GAS2L3: variants seen among roughly 807,000 people sequenced by gnomAD.
The protein encoded by GAS2L3 is GAS2-like protein 3.
In GAS2L3, 28 loss-of-function variants were observed where a neutral mutation model predicts 37.0. The observed-to-expected ratio is 0.76, with a 90% CI of 0.56 to 1.04. The LOEUF (loss-of-function observed/expected upper bound fraction) is 1.04. GAS2L3 is among the 50% of genes least tolerant of loss of function. The probability of loss-of-function intolerance (pLI) is 0.00; values close to 1 mark genes in which losing one functional copy is unlikely to be tolerated. For missense variants in GAS2L3, 793 were observed against 817.6 expected, an observed-to-expected ratio of 0.97 and a Z score of 0.37; for synonymous variants, 290 against 296.6, an observed-to-expected ratio of 0.98 and a Z score of 0.23.
intron 6 of GAS2L3, among the ~76,000 whole-genome samples, chr12:100,617,015 C>CT (rs763304362): frequency 8.9e-4 from 121 of 135,420 alleles, no homozygotes; most frequent in Middle Eastern, 7.4e-3. Context: ...TTTGTTCAGT[C>CT]TTTTTTTTTT....
intron 1 of GAS2L3, chr12:100,579,584 T>C (rs1593157027): frequency 1.3e-6 from 1 of 773,580 alleles, no homozygotes; most frequent in African/African-American, 1.7e-5. Context: ...ACCAGTTGCA[T>C]GACAGGGTGC....
At chr12:100,602,713 G>A (rs1006395020) in intron 5 of GAS2L3, among the ~76,000 whole-genome samples, 4 of 151,786 alleles carry the variant, frequency 2.6e-5, no homozygotes, top group African/African-American at 9.7e-5. Context: ...TCACCCTGTT[G>A]TGCTATCAAA....
Position 100,624,562 on chromosome 12 carries a change from C to T in GAS2L3, c.1757C>T (p.Ala586Val), listed in dbSNP as rs1428436584. The change falls in exon 10 of 10, where the codon GCT becomes GTT. Residue 586 changes from alanine to valine, a missense_variant. By Grantham distance (64) the Ala-to-Val change is moderately conservative (BLOSUM62 0). Transcript: ENST00000547754. Reference protein sequence around the residue: ...QKSKDKNIVSATKKQPQNKSA... With the variant: ...QKSKDKNIVSVTKKQPQNKSA... ...TCAAAAGATAAGAATATAGTTTCAG[C>T]TACCAAAAAGCAGCCTCAGAATAAA... The T allele has an allele frequency of 6.2e-7, 1 of 1,613,912 alleles. No homozygotes were observed. The highest frequency in any genetic ancestry group is 8.5e-7 in the Non-Finnish European group (1 of 1,180,022).
At position 100,579,482 on chromosome 12, in the gene GAS2L3, C is replaced by T. The variant is rs191916349; in HGVS notation, c.-152+5697C>T. 1.4e-5 allele frequency: 11 copies of T among 771,200 alleles called. No homozygotes were observed. The African/African-American group carries it at 1.9e-4, about 13-fold the overall frequency. The allele number at this position is 771,200 out of a possible 1,614,324, so 47.8% of individuals were successfully genotyped here. On this transcript the variant is annotated intron_variant, in intron 1 of 9. Transcript: ENST00000547754. ...AACAAATTTGGTTAGTGGTATTATA[C>T]CCAAACTCTTGTCAGAAATATTAAG...
intron 1 of GAS2L3, chr12:100,578,958 A>G (rs1338419274): frequency 3.3e-6 from 3 of 903,844 alleles, no homozygotes; most frequent in African/African-American, 1.6e-5. Flanking sequence ...ATTGTCATCC[A>G]TGCTTATGGA....
chr12:100,623,424 T>G (rs1956283774), intron 9 of GAS2L3, 138 bp from the exon 10 acceptor site: 1 of 608,988 alleles, frequency 1.6e-6, no homozygotes. Flanking sequence ...AGAAACAAAC[T>G]GTCAATTTGT....
Position 100,600,520 on chromosome 12 carries a change from G to T in GAS2L3, c.157G>T (p.Asp53Tyr), listed in dbSNP as rs1269603004. ...HEATLLPMQE[D>Y]LSIWLSGLLG... ...AGCCACTTTGTTGCCCATGCAAGAA[G>T]ATCTGTCAATCTGGTTATCTGGTTT... The change falls in exon 4 of 10, where the codon GAT becomes TAT. Residue 53 changes from aspartate (D) to tyrosine (Y), a missense_variant. By Grantham distance (160) the Asp-to-Tyr change is radical. Coordinates refer to ENST00000547754, the MANE Select transcript of GAS2L3 (RefSeq NM_174942.3). 1 of 1,613,686 alleles carries T rather than the reference G, an allele frequency of 6.2e-7. No homozygotes were observed. Among genetic ancestry groups the T allele is most frequent in the South Asian group, 1.1e-5 (1 of 91,038 alleles).
At chr12:100,614,132 A>G (rs1431133500) in intron 6 of GAS2L3, among the ~76,000 whole-genome samples, 2 of 151,894 alleles carry the variant, frequency 1.3e-5, no homozygotes, top group Non-Finnish European at 2.9e-5. Context: ...TTTTATATTT[A>G]TTTTTATTTT....
intron 1 of GAS2L3, chr12:100,579,267 T>C (rs1955677752): frequency 8.2e-6 from 5 of 612,130 alleles, no homozygotes; most frequent in Non-Finnish European, 1.5e-5. Context: ...ACTGTGTCTC[T>C]TTGTGACACA....
At chr12:100,581,845 T>A (rs1389715082) in intron 1 of GAS2L3, among the ~76,000 whole-genome samples, 2 of 152,266 alleles carry the variant, frequency 1.3e-5, no homozygotes, top group African/African-American at 2.4e-5. Context: ...TGCTTAATTT[T>A]TAAAAATTGT....
chr12:100,596,251 A>C (rs757763671), intron 3 of GAS2L3, among the ~76,000 whole-genome samples: 3 of 151,998 alleles, frequency 2.0e-5, no homozygotes, highest in Admixed American at 6.6e-5. Context: ...GATTACTTCT[A>C]TTCATCCCCT....
chr12:100,613,633 C>T (rs1245413779), intron 6 of GAS2L3, among the ~76,000 whole-genome samples: 3 of 148,894 alleles, frequency 2.0e-5, no homozygotes, highest in African/African-American at 5.0e-5. Flanking sequence ...CTCGCTATGT[C>T]GCCCAGGCTG....
chr12:100,602,511 G>A lies in GAS2L3; in HGVS notation c.303+758G>A, dbSNP rs115930645. Among the ~76,000 whole-genome samples the A allele has an allele frequency of 9.6e-3, 1,462 of 151,672 alleles. 20 individuals are homozygous for A. Among genetic ancestry groups the A allele is most frequent in the African/African-American group, 0.033 (1,375 of 41,326 alleles). On this transcript the variant is annotated intron_variant, in intron 5 of 9. Transcript: ENST00000547754. ...AAGTATATCTTGTAAAAAATATTTT[G>A]TGGGTACATACTAGGTATATATATT...
intron 2 of GAS2L3, chr12:100,593,980 A>G (rs909431021): frequency 8.5e-5 from 13 of 152,118 alleles, no homozygotes; most frequent in African/African-American, 3.1e-4. Context: ...AGTGGTATGT[A>G]TAGTTGACAC....
intron 5 of GAS2L3, among the ~76,000 whole-genome samples, chr12:100,602,785 C>T (rs1328479780): frequency 6.6e-6 from 1 of 152,080 alleles, no homozygotes; most frequent in Non-Finnish European, 1.5e-5. Context: ...ATCTCCACTT[C>T]CCCCCACCTG....
At position 100,624,285 on chromosome 12, in the gene GAS2L3, A is replaced by G. The variant is rs148013814; in HGVS notation, c.1480A>G (p.Asn494Asp). Residue 494 changes from asparagine to aspartate, a missense_variant, in exon 10 of 10, where the codon AAT (asparagine) becomes GAT (aspartate). Physicochemically the swap from Asn to Asp is conservative, Grantham distance 23 (BLOSUM62 1). Coordinates refer to ENST00000547754, the MANE Select transcript of GAS2L3 (RefSeq NM_174942.3). ...NAVSHLAAHS[N>D]SSSKCPKLPK... ...AGTATCTCACTTAGCTGCACATTCA[A>G]ATTCATCCTCAAAATGTCCCAAGCT... The G allele has an allele frequency of 6.2e-7, 1 of 1,613,930 alleles. No individual in the cohort carries two copies. The highest frequency in any genetic ancestry group is 8.5e-7 in the Non-Finnish European group (1 of 1,179,964).
intron 3 of GAS2L3, among the ~76,000 whole-genome samples, chr12:100,597,622 C>T (rs1211785704): frequency 2.6e-5 from 4 of 151,534 alleles, no homozygotes; most frequent in African/African-American, 9.7e-5. Flanking sequence ...TTTAAATTTA[C>T]TTTTATTTTA....
rs200438045 is a variant in GAS2L3, at chr12:100,624,372, A to G, written c.1567A>G (p.Lys523Glu). 2.9e-4 allele frequency: 467 copies of G among 1,614,030 alleles called. No homozygotes were observed. Among genetic ancestry groups the G allele is most frequent in the Non-Finnish European group, 2.3e-4 (269 of 1,180,016 alleles). The change falls in exon 10 of 10, where the codon AAA (lysine) becomes GAA (glutamate). Residue 523 changes from lysine to glutamate, a missense_variant. Transcript: ENST00000547754. ...TTTCCAGTCCTCTGCAAAAATGACAAAAACCAGTTCCAAAACCATAGCCAC... is the reference window on the plus strand; with the variant it reads ...TTTCCAGTCCTCTGCAAAAATGACAGAAACCAGTTCCAAAACCATAGCCAC... ...PSFQSSAKMT[K>E]TSSKTIATGL...
At chr12:100,618,847 A>G (rs1453291603) in intron 8 of GAS2L3, among the ~76,000 whole-genome samples, 2 of 152,124 alleles carry the variant, frequency 1.3e-5, no homozygotes, top group East Asian at 3.9e-4. Flanking sequence ...TCATGAAGAG[A>G]ACTATAGGCC....
Sources: allele counts gnomAD v4.1 joint callset (sites outside exome capture counted in the v4.1 genomes callset), GRCh38; gene constraint gnomAD v4.1.1; transcripts MANE v1.5; gene names NCBI Gene and HGNC (gene_info 2026-07-23, HGNC 2026-07-21).